WIPF3: variants seen among roughly 807,000 people sequenced by gnomAD.
WIPF3 encodes the protein WAS/WASL-interacting protein family member 3.
WIPF3 carries 33 observed loss-of-function variants against 38.9 expected under a neutral mutation model. The observed-to-expected ratio is 0.85, with a 90% CI of 0.64 to 1.14. WIPF3 has a LOEUF of 1.14. Among genes scored for constraint, WIPF3 ranks in the 50% most tolerant of loss-of-function variants. WIPF3 has a pLI of 0.00. For synonymous variants in WIPF3, 324 were observed against 269.3 expected (o/e 1.20, Z -1.99); for missense variants, 711 against 652.5 (o/e 1.09, Z -0.98).
intron 2 of WIPF3, among the ~76,000 whole-genome samples, chr7:29,861,815 C>T (rs544199684): frequency 6.6e-6 from 1 of 152,282 alleles, no homozygotes; most frequent in East Asian, 1.9e-4. Flanking sequence ...TATCTAGGGA[C>T]AGACTTATAA....
rs188064527 is a variant in WIPF3, at chr7:29,822,564, T to C, written c.-57-12104T>C. 3.9e-5 allele frequency among the ~76,000 whole-genome samples: 6 copies of C among 152,298 alleles called. No homozygotes were observed. In the East Asian group the frequency reaches 1.2e-3, roughly 29 times the overall value. On this transcript the variant is annotated intron_variant, in intron 1 of 8. Transcript: ENST00000242140. Reference sequence around the variant, plus strand: ...TGCCATCCTACACACCCTTTTCCATTATTCTAAACGAGAGTTGATGGGTTT... The same window carrying C: ...TGCCATCCTACACACCCTTTTCCATCATTCTAAACGAGAGTTGATGGGTTT...
Position 29,915,006 on chromosome 7 carries a change from C to T in WIPF3, c.*490C>T, listed in dbSNP as rs1786580569. ...CTCAGAGGAAGTAGCGTGTCCCCCA[C>T]ACCCAGACAGTGCCGCGCAGCCTCC... On this transcript the variant is annotated 3_prime_UTR_variant, in exon 9 of 9. Transcript: ENST00000242140. 6.6e-6 allele frequency: 1 copy of T among 152,064 alleles called. No individual in the cohort carries two copies. Among genetic ancestry groups the T allele is most frequent in the Non-Finnish European group, 1.5e-5 (1 of 68,110 alleles). 9.4% of individuals were successfully genotyped at this position (152,064 alleles called of 1,614,324 possible). A position where few individuals can be genotyped will look rare whatever the true frequency, so the allele number is the denominator to read the frequency against.
intron 1 of WIPF3, among the ~76,000 whole-genome samples, chr7:29,831,183 A>G (rs1266526758): frequency 3.3e-5 from 5 of 152,226 alleles, no homozygotes; most frequent in Non-Finnish European, 7.3e-5. Context: ...GCCCCAAGCA[A>G]AGTGCTGAAG....
At position 29,823,255 on chromosome 7, in the gene WIPF3, G is replaced by C. The variant is rs543472994; in HGVS notation, c.-57-11413G>C. 1.8e-4 allele frequency among the ~76,000 whole-genome samples: 28 copies of C among 152,114 alleles called. No individual in the cohort carries two copies. The South Asian group carries it at 5.4e-3, about 29-fold the overall frequency. ...TTTTCTAGTGTGCACTGTAAGCTTT[G>C]AGAACCCAACATTCATTTTTTTTTT... On this transcript the variant is annotated intron_variant, in intron 1 of 8. Coordinates refer to ENST00000242140, the MANE Select transcript of WIPF3 (RefSeq NM_001080529.3). This position sits in a 1 kb window ranked among gnomAD's most constrained non-coding sequence, Gnocchi z 4.0.
chr7:29,889,175 A>G (rs1204204250), intron 6 of WIPF3, 131 bp from the exon 7 acceptor site: 1 of 700,670 alleles, frequency 1.4e-6, no homozygotes, highest in Non-Finnish European at 2.5e-6. Context: ...CCTGTTGTTA[A>G]AATCCTTGCA....
Position 29,914,485 on chromosome 7 carries a change from T to C in WIPF3, c.1429-8T>C, listed in dbSNP as rs1362352569. The C allele has an allele frequency of 1.3e-6, 2 of 1,519,460 alleles. No individual in the cohort carries two copies. The highest frequency in any genetic ancestry group is 1.8e-6 in the Non-Finnish European group (2 of 1,131,798). The allele number at this position is 1,519,460 out of a possible 1,614,324, so 94.1% of individuals were successfully genotyped here. A position where few individuals can be genotyped will look rare whatever the true frequency, so the allele number is the denominator to read the frequency against. On this transcript the variant is annotated splice_region_variant and splice_polypyrimidine_tract_variant and intron_variant, in intron 8 of 8. Coordinates refer to ENST00000242140, the MANE Select transcript of WIPF3 (RefSeq NM_001080529.3). ...TCCACCTGGTAATGTTCTGTTATGT[T>C]TCCACAGTTATCTCTAAAGACTCTT... is the stretch of plus-strand genomic sequence containing the variant.
At position 29,844,585 on chromosome 7, in the gene WIPF3, T is replaced by C. The variant is rs914991744; in HGVS notation, c.90+9771T>C. ...AGGCTGGATTCCTCCCCTGCCTTTC[T>C]GGCCATTGAGCCTAACTGCCGTGTG... On this transcript the variant is annotated intron_variant, in intron 2 of 8. Coordinates refer to ENST00000242140, the MANE Select transcript of WIPF3 (RefSeq NM_001080529.3). This position sits in a 1 kb window ranked among gnomAD's most constrained non-coding sequence, Gnocchi z 4.8. Among the ~76,000 whole-genome samples, 4 of 152,364 alleles carry C rather than the reference T, an allele frequency of 2.6e-5. No homozygotes were observed. The South Asian group carries it at 8.3e-4, about 32-fold the overall frequency.
intron 2 of WIPF3, among the ~76,000 whole-genome samples, chr7:29,847,467 G>A (rs1405972435): frequency 1.3e-5 from 2 of 152,202 alleles, no homozygotes; most frequent in East Asian, 1.9e-4. Context: ...TTATTAACGT[G>A]TACCTGGGAG....
intron 8 of WIPF3, among the ~76,000 whole-genome samples, chr7:29,910,742 A>G (rs1786490998): frequency 1.3e-5 from 2 of 152,158 alleles, no homozygotes. Flanking sequence ...AAAATTCTCA[A>G]TAAACTAGGA....
intron 5 of WIPF3, among the ~76,000 whole-genome samples, chr7:29,886,062 T>A (rs572652728): frequency 4.0e-4 from 61 of 152,306 alleles, no homozygotes; most frequent in South Asian, 1.2e-3. Flanking sequence ...ATGTTAGATA[T>A]CTAAGTTGAT....
At position 29,827,539 on chromosome 7, in the gene WIPF3, T is replaced by A. The variant is rs189455756; in HGVS notation, c.-57-7129T>A. 3.6e-4 allele frequency among the ~76,000 whole-genome samples: 55 copies of A among 152,224 alleles called. 1 individual carries two copies. The highest frequency in any genetic ancestry group is 1.2e-3 in the African/African-American group (51 of 41,558). ...GCTATCTCCTGGCCGCAAGGTACCTTTAATAGATGAATGATGGACGCTTAG... is the reference window on the plus strand; with the variant it reads ...GCTATCTCCTGGCCGCAAGGTACCTATAATAGATGAATGATGGACGCTTAG... On this transcript the variant is annotated intron_variant, in intron 1 of 8. Coordinates refer to ENST00000242140, the MANE Select transcript of WIPF3 (RefSeq NM_001080529.3).
chr7:29,813,530 G>A (rs1456380629), intron 1 of WIPF3, among the ~76,000 whole-genome samples: 1 of 152,106 alleles, frequency 6.6e-6, no homozygotes, highest in Non-Finnish European at 1.5e-5. Flanking sequence ...TTACTTGTCC[G>A]TAACTTATGG....
intron 8 of WIPF3, among the ~76,000 whole-genome samples, chr7:29,912,988 G>A (rs1469457820): frequency 6.6e-6 from 1 of 152,166 alleles, no homozygotes; most frequent in Non-Finnish European, 1.5e-5. Context: ...ACAAAAGTGG[G>A]TACTGATGAT....
At chr7:29,807,420 C>G (rs887754803) in intron 1 of WIPF3, among the ~76,000 whole-genome samples, 3 of 152,182 alleles carry the variant, frequency 2.0e-5, no homozygotes, top group Admixed American at 2.0e-4. Flanking sequence ...GCAGATTTCC[C>G]CCAGCCCCTG....
Position 29,831,778 on chromosome 7 carries a change from G to A in WIPF3, c.-57-2890G>A, listed in dbSNP as rs117265776. Among the ~76,000 whole-genome samples the A allele has an allele frequency of 4.6e-4, 70 of 152,242 alleles. No homozygotes were observed. The East Asian group carries it at 9.3e-3, about 20-fold the overall frequency. Reference sequence around the variant, plus strand: ...AGGACCTTTGCTACAGTCAATGGGCGGGGAAAGAGAAAAGTCGTGGGCAGA... The same window carrying A: ...AGGACCTTTGCTACAGTCAATGGGCAGGGAAAGAGAAAAGTCGTGGGCAGA... On this transcript the variant is annotated intron_variant, in intron 1 of 8. Transcript: ENST00000242140.
intron 8 of WIPF3, 149 bp from the exon 9 acceptor site, chr7:29,914,344 C>T (rs1387116100): frequency 1.9e-6 from 1 of 526,068 alleles, no homozygotes; most frequent in Non-Finnish European, 3.2e-6. Flanking sequence ...TAAAAGTCAG[C>T]TCTTTGCATA....
At chr7:29,846,074 A>G (rs1213250239) in intron 2 of WIPF3, among the ~76,000 whole-genome samples, 1 of 152,254 alleles carries the variant, frequency 6.6e-6, no homozygotes, top group Admixed American at 6.5e-5. Flanking sequence ...AAATTTTAGT[A>G]AGAATATTTT....
chr7:29,884,387 C>CCCCTT lies in WIPF3; in HGVS notation c.893_894insCCCTT (p.Tyr299ProfsTer77). ...CCCGCCCCGCCGCCCCCGCTCCCCC[C>CCCCTT]TTATGCTTCTTGCTCCCCGAGGGCT... On this transcript the variant is annotated frameshift_variant, in exon 5 of 9. Coordinates refer to ENST00000242140, the MANE Select transcript of WIPF3 (RefSeq NM_001080529.3). LOFTEE classifies it high-confidence loss of function. 6.7e-7 allele frequency: 1 copy of CCCCTT among 1,502,234 alleles called. No homozygotes were observed. The allele number at this position is 1,502,234 out of a possible 1,614,324, so 93.1% of individuals were successfully genotyped here.
intron 2 of WIPF3, among the ~76,000 whole-genome samples, chr7:29,843,225 G>A (rs2128067128): frequency 6.6e-6 from 1 of 152,294 alleles, no homozygotes; most frequent in African/African-American, 2.4e-5. Context: ...AGGTGTGGCA[G>A]GACCTGCCAC....
Sources: gnomAD v4.1 joint callset for allele counts (sites outside exome capture counted in the v4.1 genomes callset) on GRCh38, gnomAD v4.1.1 for gene constraint, Gnocchi (gnomAD v3.1) non-coding constraint, MANE v1.5 for transcripts, NCBI Gene and HGNC (gene_info 2026-07-23, HGNC 2026-07-21) for gene names.